Variants in RBFOX3 observed in about 807,000 individuals in gnomAD.
RBFOX3 encodes RNA binding fox-1 homolog 3, also known as RNA binding protein fox-1 homolog 3.
Under a neutral mutation model 48.7 loss-of-function variants are expected in RBFOX3, and 17 were observed. The observed-to-expected ratio is 0.35, with a 90% confidence interval of 0.24 to 0.52. RBFOX3 has a LOEUF of 0.52. RBFOX3 is among the 20% of genes least tolerant of loss of function. The probability of loss-of-function intolerance (pLI) is 0.94; values close to 1 mark genes in which losing one functional copy is unlikely to be tolerated. For synonymous variants in RBFOX3, 212 were observed against 209.5 expected (o/e 1.01, Z -0.10); for missense variants, 382 against 497.5 (o/e 0.77, Z 2.21).
chr17:79,408,483 A>G (rs901266660), intron 2 of RBFOX3, among the ~76,000 whole-genome samples: 4 of 152,302 alleles, frequency 2.6e-5, no homozygotes, highest in African/African-American at 9.6e-5. Flanking sequence ...CGGCCATCCC[A>G]GGAGCCTGGC....
intron 2 of RBFOX3, among the ~76,000 whole-genome samples, chr17:79,326,698 G>A (rs562121871): frequency 3.5e-4 from 54 of 152,252 alleles, no homozygotes; most frequent in African/African-American, 1.3e-3. Context: ...CTCTCCAGCT[G>A]CATTACTCCC....
At chr17:79,203,983 AC>A (rs1319137210) in intron 4 of RBFOX3, among the ~76,000 whole-genome samples, 1 of 152,008 alleles carries the variant, frequency 6.6e-6, no homozygotes, top group African/African-American at 2.4e-5. Flanking sequence ...AGAACTTTGC[AC>A]CCCTAAATTC....
chr17:79,523,131 T>TG (rs1240273613), intron 1 of RBFOX3, among the ~76,000 whole-genome samples: 11 of 114,748 alleles, frequency 9.6e-5, no homozygotes, highest in Admixed American at 4.6e-4. Flanking sequence ...GGGCTTGTGG[T>TG]GGGGGGGCGG....
chr17:79,519,807 G>A (rs1302079477), intron 1 of RBFOX3, among the ~76,000 whole-genome samples: 1 of 152,106 alleles, frequency 6.6e-6, no homozygotes, highest in Non-Finnish European at 1.5e-5. Context: ...CCAGGGCGGG[G>A]GTGAGCGTCC....
At chr17:79,130,102 C>T (rs1471489933) in intron 4 of RBFOX3, among the ~76,000 whole-genome samples, 3 of 152,198 alleles carry the variant, frequency 2.0e-5, no homozygotes, top group African/African-American at 4.8e-5. Flanking sequence ...TTGCTCCCAC[C>T]CCATCCAACC....
chr17:79,618,893 G>C, the RBFOX3 span, among the ~76,000 whole-genome samples: 1 of 152,152 alleles, frequency 6.6e-6, no homozygotes, highest in Non-Finnish European at 1.5e-5. Context: ...GGAGGAACTA[G>C]AGAGACCCAG....
chr17:79,162,792 G>A (rs1013269382), intron 4 of RBFOX3, among the ~76,000 whole-genome samples: 2 of 152,162 alleles, frequency 1.3e-5, no homozygotes, highest in African/African-American at 2.4e-5. Context: ...AGGGGACGGC[G>A]GAGAGAGCAG....
At chr17:79,092,732 A>G in intron 14 of RBFOX3, 1 of 684,612 alleles carries the variant, frequency 1.5e-6, no homozygotes, top group Non-Finnish European at 1.8e-6. Context: ...AAAAACAAAA[A>G]GAGAAATAGC....
At chr17:79,414,589 C>T (rs2065007745) in intron 2 of RBFOX3, among the ~76,000 whole-genome samples, 1 of 152,222 alleles carries the variant, frequency 6.6e-6, no homozygotes. Flanking sequence ...GACTGTCCGT[C>T]TGGCTGTCTG....
At chr17:79,467,083 ATG>A (rs2149336679) in intron 2 of RBFOX3, among the ~76,000 whole-genome samples, 1 of 150,728 alleles carries the variant, frequency 6.6e-6, no homozygotes, top group South Asian at 2.2e-4. Context: ...TGCCACGGGC[ATG>A]TGTTATGGCC....
At chr17:79,314,763 C>T (rs574435218) in intron 2 of RBFOX3, among the ~76,000 whole-genome samples, 19 of 152,232 alleles carry the variant, frequency 1.2e-4, no homozygotes, top group East Asian at 3.9e-4. Flanking sequence ...CTCTGGTCCA[C>T]GCTTACATGT....
chr17:79,130,946 C>T (rs183216318), intron 4 of RBFOX3, among the ~76,000 whole-genome samples: 1 of 152,282 alleles, frequency 6.6e-6, no homozygotes, highest in African/African-American at 2.4e-5. Flanking sequence ...CAGCCCCGCA[C>T]CTGCAAGGCA....
intron 2 of RBFOX3, among the ~76,000 whole-genome samples, chr17:79,445,966 G>T (rs1036777803): frequency 6.6e-6 from 1 of 152,224 alleles, no homozygotes; most frequent in Non-Finnish European, 1.5e-5. Flanking sequence ...CACAGCTGTG[G>T]CTGGGGGTGA....
chr17:79,178,337 C>T (rs1434760694), intron 4 of RBFOX3, among the ~76,000 whole-genome samples: 1 of 152,198 alleles, frequency 6.6e-6, no homozygotes, highest in African/African-American at 2.4e-5. Flanking sequence ...CAGGAAAAGC[C>T]AAGAAAGAGC....
chr17:79,423,751 T>C lies in RBFOX3; in HGVS notation c.-175+58703A>G, dbSNP rs1206731663. 2 of 153,636 alleles carry C rather than the reference T, an allele frequency of 1.3e-5. No individual in the cohort carries two copies. The highest frequency in any genetic ancestry group is 1.3e-4 in the Admixed American group (2 of 15,272). 9.5% of individuals were successfully genotyped at this position (153,636 alleles called of 1,614,324 possible). ...GGAACAAGCCCAGTGGAGTCGCTGCTGGGCAGGGCTGCCCATCAGCAAATC... is the reference window on the plus strand; with the variant it reads ...GGAACAAGCCCAGTGGAGTCGCTGCCGGGCAGGGCTGCCCATCAGCAAATC... On this transcript the variant is annotated intron_variant, in intron 2 of 14. Transcript: ENST00000693108. This position sits in a 1 kb window ranked among gnomAD's most constrained non-coding sequence, Gnocchi z 4.9.
chr17:79,559,586 G>T (rs947715320), intron 1 of RBFOX3, among the ~76,000 whole-genome samples: 4 of 149,446 alleles, frequency 2.7e-5, no homozygotes, highest in African/African-American at 9.9e-5. Flanking sequence ...TGGGTGGGGG[G>T]GTGGATGGAG....
rs529799818 is a variant in RBFOX3, at chr17:79,199,597, G to T, written c.-34+36169C>A. Reference sequence around the variant, plus strand: ...CACTGGTTTGGTCCCAGTTCAAGAAGTAATTAGATATGCTCTCAAAGAAGT... The same window carrying T: ...CACTGGTTTGGTCCCAGTTCAAGAATTAATTAGATATGCTCTCAAAGAAGT... On this transcript the variant is annotated intron_variant, in intron 4 of 14. Transcript: ENST00000693108. This position sits in a 1 kb window ranked among gnomAD's most constrained non-coding sequence, Gnocchi z 5.1. Among the ~76,000 whole-genome samples the T allele has an allele frequency of 6.6e-6, 1 of 152,192 alleles. No individual in the cohort carries two copies. Among genetic ancestry groups the T allele is most frequent in the Non-Finnish European group, 1.5e-5 (1 of 68,038 alleles).
intron 2 of RBFOX3, among the ~76,000 whole-genome samples, chr17:79,446,370 G>A (rs1257790713): frequency 6.6e-6 from 1 of 152,188 alleles, no homozygotes. Flanking sequence ...CCTCAGGGCT[G>A]GGAGGAGAGG....
chr17:79,589,333 G>A (rs2093351766), intron 1 of RBFOX3, among the ~76,000 whole-genome samples: 9 of 152,238 alleles, frequency 5.9e-5, no homozygotes, highest in Non-Finnish European at 2.9e-5. Flanking sequence ...CTGAGTGTCC[G>A]TGGCCTGTGG....
Sources: allele counts gnomAD v4.1 joint callset (sites outside exome capture counted in the v4.1 genomes callset), GRCh38; gene constraint gnomAD v4.1.1; non-coding constraint Gnocchi (gnomAD v3.1); transcripts MANE v1.5; gene names NCBI Gene and HGNC (gene_info 2026-07-23, HGNC 2026-07-21).